Variants in CNTFR observed in about 807,000 individuals in gnomAD.
CNTFR encodes ciliary neurotrophic factor receptor.
CNTFR carries 12 observed loss-of-function variants against 40.4 expected under a neutral mutation model. The observed-to-expected ratio is 0.30, with a 90% CI of 0.19 to 0.48. The LOEUF (loss-of-function observed/expected upper bound fraction) is 0.48, where lower values mean the gene tolerates loss of function less well. Ranked by LOEUF, CNTFR falls within the 20% of genes least tolerant of loss-of-function variation. The pLI is 0.99. For missense variants in CNTFR, 414 were observed against 506.8 expected (o/e 0.82, Z 1.76); for synonymous variants, 202 against 209.6 (o/e 0.96, Z 0.31).
chr9:34,552,735 G>A lies in CNTFR; in HGVS notation c.888C>T (p.Ala296=), dbSNP rs377574097. 63 of 1,613,706 alleles carry A rather than the reference G, an allele frequency of 3.9e-5. No individual in the cohort carries two copies. Among genetic ancestry groups the A allele is most frequent in the African/African-American group, 1.3e-4 (10 of 74,900 alleles). ...EIGTWSDWSV[A]AHATPWTEEP... is the part of the protein sequence containing the mutation. ...CCTCAGTCCAGGGCGTAGCGTGGGC[G>A]GCTACGCTCCAGTCACTCCATGTCC... Residue 296 remains alanine, a synonymous_variant, in exon 8 of 10, where the codon GCC becomes GCT. Coordinates refer to ENST00000378980, the MANE Select transcript of CNTFR (RefSeq NM_147164.3). This position sits in a 1 kb window ranked among gnomAD's most constrained non-coding sequence, Gnocchi z 5.1.
intron 7 of CNTFR, among the ~76,000 whole-genome samples, chr9:34,555,149 G>A (rs891077019): frequency 1.3e-5 from 2 of 152,246 alleles, no homozygotes; most frequent in Non-Finnish European, 2.9e-5. Flanking sequence ...AGCGGGGGAG[G>A]GGGGCTTGTG....
At chr9:34,574,754 C>T (rs1038219020) in intron 2 of CNTFR, among the ~76,000 whole-genome samples, 3 of 151,890 alleles carry the variant, frequency 2.0e-5, no homozygotes, top group Non-Finnish European at 2.9e-5. Flanking sequence ...ATTTTGGCAG[C>T]GGCCTGGACT....
intron 7 of CNTFR, among the ~76,000 whole-genome samples, chr9:34,553,970 G>C (rs2381164): frequency 0.46 from 69,539 of 151,938 alleles, 17,756 homozygotes; most frequent in Non-Finnish European, 0.57. Context: ...GTGAGTGCAT[G>C]CACACGTGTG....
At chr9:34,559,053 G>A (rs904516039) in intron 4 of CNTFR, among the ~76,000 whole-genome samples, 1 of 152,170 alleles carries the variant, frequency 6.6e-6, no homozygotes, top group Non-Finnish European at 1.5e-5. Context: ...GTCCATCTGC[G>A]GCTCCAGGGA....
intron 4 of CNTFR, among the ~76,000 whole-genome samples, chr9:34,561,706 T>C (rs1354207618): frequency 6.6e-6 from 1 of 152,230 alleles, no homozygotes; most frequent in Non-Finnish European, 1.5e-5. Context: ...GACCCACAAA[T>C]CAGGGGTAAC....
At chr9:34,559,811 C>T (rs1033187085) in intron 4 of CNTFR, among the ~76,000 whole-genome samples, 9 of 152,200 alleles carry the variant, frequency 5.9e-5, no homozygotes, top group Non-Finnish European at 1.3e-4. Flanking sequence ...CTGCCCCGGA[C>T]TCCTCGGAGG....
intron 2 of CNTFR, 127 bp downstream of exon 2, chr9:34,580,968 G>C (rs1827262240): frequency 6.6e-6 from 1 of 152,156 alleles, no homozygotes; most frequent in Admixed American, 6.5e-5. Context: ...TCTGGAAAAA[G>C]AAAGGACAGG....
At chr9:34,554,503 C>T (rs1015338137) in intron 7 of CNTFR, among the ~76,000 whole-genome samples, 6 of 152,124 alleles carry the variant, frequency 3.9e-5, no homozygotes, top group African/African-American at 1.4e-4. Flanking sequence ...AAGAGAAAGG[C>T]TTCTCAATTG....
At position 34,589,275 on chromosome 9, in the gene CNTFR, C is replaced by T. The variant is rs1023203058; in HGVS notation, c.-112+280G>A. On this transcript the variant is annotated intron_variant, in intron 1 of 9. Transcript: ENST00000378980. This position sits in a 1 kb window ranked among gnomAD's most constrained non-coding sequence, Gnocchi z 4.4. ...AGCTGAGGGGTGGGGAGAACAGGGA[C>T]ACTAGGACAAACCGCCGGAGCCACC... 1.3e-5 allele frequency among the ~76,000 whole-genome samples: 2 copies of T among 152,066 alleles called. No homozygotes were observed. Among genetic ancestry groups the T allele is most frequent in the Admixed American group, 6.5e-5 (1 of 15,278 alleles).
Position 34,557,574 on chromosome 9 carries a change from C to A in CNTFR, c.556G>T (p.Ala186Ser). The A allele has an allele frequency of 6.2e-7, 1 of 1,614,190 alleles. No homozygotes were observed. Among genetic ancestry groups the A allele is most frequent in the Non-Finnish European group, 8.5e-7 (1 of 1,180,034 alleles). ...ATAGCTGTGGCATTGTGGCCCAGGG[C>A]ATTGCTGACACTTATGGAGACCTTG... ...KYKVSISVSN[A>S]LGHNATAITF... Residue 186 changes from alanine (A) to serine (S), a missense_variant, in exon 6 of 10, where the codon GCC (alanine) becomes TCC (serine). Ala to Ser is a moderately conservative substitution (Grantham distance 99). Around this residue, in one of 3 missense-constraint regions of CNTFR, gnomAD observed 250 missense variants for 269.5 expected, o/e 0.93. Coordinates refer to ENST00000378980, the MANE Select transcript of CNTFR (RefSeq NM_147164.3). This position sits in a 1 kb window ranked among gnomAD's most constrained non-coding sequence, Gnocchi z 4.2.
intron 4 of CNTFR, among the ~76,000 whole-genome samples, chr9:34,562,316 G>C (rs1826107852): frequency 6.6e-6 from 1 of 152,178 alleles, no homozygotes; most frequent in Non-Finnish European, 1.5e-5. Flanking sequence ...ATTCTGTTAG[G>C]CTGGTCCTGC....
At chr9:34,580,058 G>A (rs1827207047) in intron 2 of CNTFR, 1 of 152,106 alleles carries the variant, frequency 6.6e-6, no homozygotes, top group Admixed American at 6.5e-5. Context: ...CTTGCTGCAG[G>A]GAGCCCATTC....
intron 7 of CNTFR, among the ~76,000 whole-genome samples, chr9:34,553,636 T>A (rs1825720893): frequency 6.6e-6 from 1 of 152,134 alleles, no homozygotes; most frequent in African/African-American, 2.4e-5. Context: ...GGACAGCCCC[T>A]GGAGCTGCAG....
chr9:34,584,060 G>A (rs1308281242), intron 1 of CNTFR, among the ~76,000 whole-genome samples: 5 of 152,214 alleles, frequency 3.3e-5, no homozygotes, highest in Non-Finnish European at 7.3e-5. Context: ...AGGTAAGGAG[G>A]AGGGCAGTGG....
At chr9:34,584,461 C>T (rs1487254473) in intron 1 of CNTFR, among the ~76,000 whole-genome samples, 1 of 152,216 alleles carries the variant, frequency 6.6e-6, no homozygotes, top group African/African-American at 2.4e-5. Context: ...GCCACACTGG[C>T]CCACGCCAGC....
In CNTFR at chr9:34,551,818, A is replaced by C; in HGVS notation, c.*253T>G. On this transcript the variant is annotated 3_prime_UTR_variant, in exon 10 of 10. Coordinates refer to ENST00000378980, the MANE Select transcript of CNTFR (RefSeq NM_147164.3). ...ATTGGAGGGTCCAGCCCAAGGGGCC[A>C]GGGTGAGGGGGTCTTTGGTGGGTGG... The C allele has an allele frequency of 8.2e-6, 5 of 609,640 alleles. No homozygotes were observed. Among genetic ancestry groups the C allele is most frequent in the Non-Finnish European group, 8.8e-6 (3 of 342,610 alleles). 37.8% of individuals were successfully genotyped at this position (609,640 alleles called of 1,614,324 possible).
At chr9:34,578,095 G>A (rs1162799258) in intron 2 of CNTFR, among the ~76,000 whole-genome samples, 2 of 151,908 alleles carry the variant, frequency 1.3e-5, no homozygotes, top group Non-Finnish European at 2.9e-5. Flanking sequence ...CGGGTCTGCG[G>A]GGCTGGGGCC....
rs2296941 is a variant in CNTFR at position 34,564,895 on chromosome 9, C to T, written c.86-63G>A. ...CACAGCCCGGCCCAGCACCCGCAGGCGAGCGTGCTCAGACAAGAGCCTGTG... is the reference window on the plus strand; with the variant it reads ...CACAGCCCGGCCCAGCACCCGCAGGTGAGCGTGCTCAGACAAGAGCCTGTG... On this transcript the variant is annotated intron_variant, in intron 3 of 9. Transcript: ENST00000378980. The T allele has an allele frequency of 8.0e-3, 11,557 of 1,438,582 alleles. 503 individuals carry two copies. The East Asian group carries it at 0.095, about 12-fold the overall frequency. The allele number at this position is 1,438,582 out of a possible 1,614,324, so 89.1% of individuals were successfully genotyped here.
chr9:34,563,959 C>T (rs529015511), intron 4 of CNTFR, among the ~76,000 whole-genome samples: 8 of 152,198 alleles, frequency 5.3e-5, no homozygotes, highest in African/African-American at 1.9e-4. Flanking sequence ...ATCTGCCCCC[C>T]GTCCCTTCCT....
Sources: gnomAD v4.1 joint callset for allele counts (sites outside exome capture counted in the v4.1 genomes callset) on GRCh38, gnomAD v4.1.1 for gene constraint, gnomAD v4.1.1 regional missense constraint, Gnocchi (gnomAD v3.1) non-coding constraint, MANE v1.5 for transcripts, NCBI Gene and HGNC (gene_info 2026-07-23, HGNC 2026-07-21) for gene names.